The following TMEM132D variants were observed in gnomAD, a reference collection of about 807,000 sequenced individuals.
TMEM132D encodes the protein mature OL transmembrane protein.
Under a neutral mutation model 62.3 loss-of-function variants are expected in TMEM132D, and 21 were observed. The observed-to-expected ratio is 0.34, with a 90% CI of 0.24 to 0.49. The LOEUF (loss-of-function observed/expected upper bound fraction) is 0.49, where lower values mean the gene tolerates loss of function less well. Ranked by LOEUF, TMEM132D falls within the 20% of genes least tolerant of loss-of-function variation. The pLI, the probability that TMEM132D is intolerant of heterozygous loss-of-function variation, is 0.99. For synonymous variants in TMEM132D, 621 were observed against 575.6 expected, an observed-to-expected ratio of 1.08 and a Z score of -1.13; for missense variants, 1,346 against 1,402.8, an observed-to-expected ratio of 0.96 and a Z score of 0.65.
rs186911436 is a variant in TMEM132D, at chr12:129,737,689, T to G, written c.80-36991A>C. ...TCTCTGGCCCCTATAAAATTTGAATTTGCAGCATCACTCTAAAAGCAAAGG... is the reference window on the plus strand; with the variant it reads ...TCTCTGGCCCCTATAAAATTTGAATGTGCAGCATCACTCTAAAAGCAAAGG... On this transcript the variant is annotated intron_variant, in intron 1 of 8. Transcript: ENST00000422113. Among the ~76,000 whole-genome samples the G allele has an allele frequency of 1.1e-3, 171 of 152,350 alleles. 1 individual carries two copies. Among genetic ancestry groups the G allele is most frequent in the African/African-American group, 3.7e-3 (155 of 41,582 alleles).
chr12:129,796,087 C>G (rs1478243832), intron 1 of TMEM132D, among the ~76,000 whole-genome samples: 4 of 152,048 alleles, frequency 2.6e-5, no homozygotes, highest in Non-Finnish European at 4.4e-5. Flanking sequence ...TTAATCCCAG[C>G]ACTTTGGGAG....
intron 1 of TMEM132D, among the ~76,000 whole-genome samples, chr12:129,782,624 T>A (rs1871150888): frequency 6.6e-6 from 1 of 152,244 alleles, no homozygotes; most frequent in Non-Finnish European, 1.5e-5. Flanking sequence ...GTATTCCTGA[T>A]AAATCCATGT....
intron 4 of TMEM132D, among the ~76,000 whole-genome samples, chr12:129,299,099 C>G (rs192131583): frequency 1.3e-5 from 2 of 152,156 alleles, no homozygotes; most frequent in African/African-American, 4.8e-5. Context: ...TATGGCTCAT[C>G]AGAGCCAAAG....
chr12:129,510,991 A>T (rs1361098152), intron 3 of TMEM132D, among the ~76,000 whole-genome samples: 1 of 152,162 alleles, frequency 6.6e-6, no homozygotes, highest in African/African-American at 2.4e-5. Flanking sequence ...TGATTCCTCC[A>T]GTTTTGTTCT....
intron 1 of TMEM132D, among the ~76,000 whole-genome samples, chr12:129,750,496 A>C: frequency 6.6e-6 from 1 of 152,206 alleles, no homozygotes; most frequent in East Asian, 1.9e-4. Flanking sequence ...TCTCTATTCC[A>C]TTAATATGGT....
chr12:129,886,979 C>T (rs1309394674), intron 1 of TMEM132D, among the ~76,000 whole-genome samples: 1 of 152,218 alleles, frequency 6.6e-6, no homozygotes, highest in Non-Finnish European at 1.5e-5. Context: ...CCCAGCCATG[C>T]TGAACTGTGA....
At chr12:129,657,057 T>C (rs1880104849) in intron 2 of TMEM132D, among the ~76,000 whole-genome samples, 1 of 152,208 alleles carries the variant, frequency 6.6e-6, no homozygotes, top group Admixed American at 6.5e-5. Flanking sequence ...TCCAAAAGGG[T>C]ATCTCTTTGA....
intron 1 of TMEM132D, among the ~76,000 whole-genome samples, chr12:129,742,661 TC>T (rs971610141): frequency 2.6e-5 from 4 of 152,184 alleles, no homozygotes; most frequent in African/African-American, 9.7e-5. Context: ...AATTTGATAC[TC>T]ACAACACAAA....
At chr12:129,265,250 C>T (rs992777803) in intron 4 of TMEM132D, among the ~76,000 whole-genome samples, 5 of 152,098 alleles carry the variant, frequency 3.3e-5, no homozygotes, top group Admixed American at 2.0e-4. Context: ...CAGAGTTACT[C>T]CCATCAGAAC....
chr12:129,468,413 T>C (rs905065989), intron 3 of TMEM132D, among the ~76,000 whole-genome samples: 1 of 152,164 alleles, frequency 6.6e-6, no homozygotes, highest in African/African-American at 2.4e-5. Context: ...TAGCATTCTG[T>C]ATTGCAAAGA....
chr12:129,323,559 G>C (rs537711275), intron 4 of TMEM132D, among the ~76,000 whole-genome samples: 1 of 152,336 alleles, frequency 6.6e-6, no homozygotes, highest in African/African-American at 2.4e-5. Flanking sequence ...TGGAGCTTAA[G>C]ATTGTCAAAA....
chr12:129,077,806 C>A (rs541004735), intron 8 of TMEM132D, among the ~76,000 whole-genome samples: 77 of 150,712 alleles, frequency 5.1e-4, no homozygotes, highest in African/African-American at 1.6e-3. Context: ...CTATACAACA[C>A]AAGCACACAT....
intron 3 of TMEM132D, among the ~76,000 whole-genome samples, chr12:129,519,179 T>G (rs767529538): frequency 2.0e-5 from 3 of 152,204 alleles, no homozygotes; most frequent in Non-Finnish European, 4.4e-5. Flanking sequence ...CTCTATGAAC[T>G]TGGCTGGGGA....
At chr12:129,109,897 G>A (rs2135643261) in intron 5 of TMEM132D, 1 of 153,112 alleles carries the variant, frequency 6.5e-6, no homozygotes, top group East Asian at 1.9e-4. Flanking sequence ...TGGCAGCCAT[G>A]GAGGAATGCT....
At chr12:129,342,953 T>C (rs1307506424) in intron 3 of TMEM132D, among the ~76,000 whole-genome samples, 2 of 152,096 alleles carry the variant, frequency 1.3e-5, no homozygotes, top group Admixed American at 6.6e-5. Flanking sequence ...TGTGGAGAAA[T>C]AGGAACACTT....
rs567307501 is a variant in TMEM132D at position 129,165,017 on chromosome 12, C to T, written c.1443+44503G>A. On this transcript the variant is annotated intron_variant, in intron 5 of 8. Coordinates refer to ENST00000422113, the MANE Select transcript of TMEM132D (RefSeq NM_133448.3). ...GAAAATAGATAATGGTATATTCATA[C>T]ATGGGAAAATTACTCTGCAGCAAAA... Among the ~76,000 whole-genome samples the T allele has an allele frequency of 5.3e-5, 8 of 152,226 alleles. No homozygotes were observed. The East Asian group carries it at 1.4e-3, about 26-fold the overall frequency.
intron 3 of TMEM132D, among the ~76,000 whole-genome samples, chr12:129,466,466 C>T (rs116524729): frequency 3.3e-5 from 5 of 152,114 alleles, no homozygotes; most frequent in African/African-American, 7.2e-5. Context: ...GCCACAGGCA[C>T]GCACTACTGT....
intron 2 of TMEM132D, among the ~76,000 whole-genome samples, chr12:129,536,500 G>A (rs997108102): frequency 3.3e-5 from 5 of 152,140 alleles, no homozygotes; most frequent in African/African-American, 1.2e-4. Flanking sequence ...ACAAATTTAT[G>A]GAAACGCTAC....
intron 2 of TMEM132D, among the ~76,000 whole-genome samples, chr12:129,614,837 C>T (rs1878872411): frequency 6.6e-6 from 1 of 152,150 alleles, no homozygotes; most frequent in Non-Finnish European, 1.5e-5. Context: ...TGTGATACAT[C>T]TTGATTCTTA....
Sources: allele counts gnomAD v4.1 joint callset (sites outside exome capture counted in the v4.1 genomes callset), GRCh38; gene constraint gnomAD v4.1.1; transcripts MANE v1.5; gene names NCBI Gene and HGNC (gene_info 2026-07-23, HGNC 2026-07-21).